MAPK10: variants seen among roughly 807,000 people sequenced by gnomAD.
The protein encoded by MAPK10 is JNK3 alpha protein kinase.
In MAPK10, 25 loss-of-function variants were observed where a neutral mutation model predicts 59.3. That is an observed-to-expected ratio of 0.42 (90% CI 0.31 to 0.59). The LOEUF (loss-of-function observed/expected upper bound fraction) is 0.59, where lower values mean the gene tolerates loss of function less well. Among genes scored for constraint, MAPK10 ranks in the 20% least tolerant of loss-of-function variants. The pLI is 0.15. For missense variants in MAPK10, 351 were observed against 568.9 expected, an observed-to-expected ratio of 0.62 and a Z score of 3.90; for synonymous variants, 190 against 200.5, an observed-to-expected ratio of 0.95 and a Z score of 0.44.
chr4:86,056,066 T>G (rs1168651553), intron 11 of MAPK10, among the ~76,000 whole-genome samples: 3 of 150,218 alleles, frequency 2.0e-5, no homozygotes, highest in African/African-American at 7.5e-5. Context: ...AACCTTTTGA[T>G]ATCACTCATC....
chr4:86,502,796 T>C (rs1199904090), intron 1 of MAPK10, among the ~76,000 whole-genome samples: 1 of 152,128 alleles, frequency 6.6e-6, no homozygotes, highest in East Asian at 1.9e-4. Flanking sequence ...TTATCTCTCT[T>C]CTTTATTCTG....
rs150596448 is a variant in MAPK10, at chr4:86,177,732, T to C, written c.66+16604A>G. On this transcript the variant is annotated intron_variant, in intron 3 of 13. Transcript: ENST00000641462. ...CAGGTTTAAAAAGGGCTCTTAAAGG[T>C]TACTGCACCCCATAAAACATTAGCA... Among the ~76,000 whole-genome samples, 3 of 152,150 alleles carry C rather than the reference T, an allele frequency of 2.0e-5. No homozygotes were observed. In the East Asian group the frequency reaches 5.8e-4, roughly 29 times the overall value.
chr4:86,258,633 C>T (rs2093856576), intron 2 of MAPK10, among the ~76,000 whole-genome samples: 1 of 152,138 alleles, frequency 6.6e-6, no homozygotes, highest in Admixed American at 6.5e-5. Context: ...CTCCAGCCAC[C>T]AAATCTTTGC....
At chr4:86,021,124 G>C (rs1746499478) in intron 13 of MAPK10, among the ~76,000 whole-genome samples, 1 of 152,232 alleles carries the variant, frequency 6.6e-6, no homozygotes, top group African/African-American at 2.4e-5. Context: ...CCCCACCAGA[G>C]CAGCTAGATA....
At chr4:86,563,779 A>C (rs1158836786) in intron 1 of MAPK10, among the ~76,000 whole-genome samples, 1 of 152,208 alleles carries the variant, frequency 6.6e-6, no homozygotes, top group Non-Finnish European at 1.5e-5. Flanking sequence ...GGCCAGATGG[A>C]GCTGGACAGC....
At chr4:86,021,796 G>C (rs1004712435) in intron 13 of MAPK10, among the ~76,000 whole-genome samples, 2 of 152,246 alleles carry the variant, frequency 1.3e-5, no homozygotes, top group Non-Finnish European at 1.5e-5. Flanking sequence ...GCACAGCGCC[G>C]GTGGGCCGGC....
At chr4:86,423,932 ATAGAG>A (rs991720202) in intron 1 of MAPK10, among the ~76,000 whole-genome samples, 8 of 152,002 alleles carry the variant, frequency 5.3e-5, no homozygotes, top group Admixed American at 3.3e-4. Flanking sequence ...ACTACAAGAT[ATAGAG>A]TAAAGGTAAA....
chr4:86,579,514 T>C (rs1366153123), intron 1 of MAPK10, among the ~76,000 whole-genome samples: 1 of 92,678 alleles, frequency 1.1e-5, no homozygotes, highest in Non-Finnish European at 2.3e-5. Flanking sequence ...TGGATATGTG[T>C]ATACACACAC....
At chr4:86,068,015 G>A (rs1561243053) in intron 9 of MAPK10, 60 bp from the exon 10 acceptor site, 2 of 1,132,190 alleles carry the variant, frequency 1.8e-6, no homozygotes, top group East Asian at 2.4e-5. Flanking sequence ...TCAACAATTG[G>A]GAGACTAACT....
chr4:86,189,114 G>T (rs925356106), intron 3 of MAPK10, among the ~76,000 whole-genome samples: 2 of 152,166 alleles, frequency 1.3e-5, no homozygotes, highest in Admixed American at 6.5e-5. Flanking sequence ...TATTTGTTTT[G>T]GTACCAGCAC....
chr4:86,177,611 C>T (rs761411829), intron 3 of MAPK10, among the ~76,000 whole-genome samples: 2 of 152,014 alleles, frequency 1.3e-5, no homozygotes, highest in African/African-American at 2.4e-5. Flanking sequence ...TTTAAATGCT[C>T]TAGATGCTAG....
chr4:86,033,027 G>A lies in MAPK10; in HGVS notation c.1111-1596C>T, dbSNP rs1009832620. On this transcript the variant is annotated intron_variant, in intron 11 of 13. Coordinates refer to ENST00000641462, the MANE Select transcript of MAPK10 (RefSeq NM_138982.4). ...ATAGTAAGAACACAACACATTGAAC[G>A]TATATAAGGTGACAGGACTGGGATA... Among the ~76,000 whole-genome samples, 48 of 151,434 alleles carry A rather than the reference G, an allele frequency of 3.2e-4. 1 individual carries two copies. The highest frequency in any genetic ancestry group is 8.8e-4 in the African/African-American group (36 of 40,840).
rs3775183 is a variant in MAPK10 at position 86,058,774 on chromosome 4, A to T, written c.1110+5492T>A. 1.3e-5 allele frequency among the ~76,000 whole-genome samples: 2 copies of T among 150,192 alleles called. 1 individual carries two copies. The highest frequency in any genetic ancestry group is 5.0e-5 in the African/African-American group (2 of 40,332). On this transcript the variant is annotated intron_variant, in intron 11 of 13. Transcript: ENST00000641462. ...CTTAGACCACATGTCTCTCCTGACT[A>T]CCCAGCTGGTCTTGACTGCTTGGCC... is the stretch of plus-strand genomic sequence containing the variant.
At chr4:86,286,702 T>C (rs2095025814) in intron 2 of MAPK10, among the ~76,000 whole-genome samples, 1 of 152,130 alleles carries the variant, frequency 6.6e-6, no homozygotes, top group African/African-American at 2.4e-5. Context: ...CACAAGACTG[T>C]GCAAAATGAG....
intron 2 of MAPK10, among the ~76,000 whole-genome samples, chr4:86,332,336 A>T (rs142713214): frequency 1.7e-3 from 256 of 152,264 alleles, no homozygotes; most frequent in African/African-American, 5.8e-3. Context: ...TTGGGAAGTT[A>T]TTTTTTTAAT....
intron 2 of MAPK10, among the ~76,000 whole-genome samples, chr4:86,320,828 T>G (rs2095874399): frequency 6.6e-6 from 1 of 152,198 alleles, no homozygotes; most frequent in African/African-American, 2.4e-5. Context: ...TGAATTAATT[T>G]TTGTATAAGC....
chr4:86,487,362 A>AGTGTGTGTGTGTGTGTGT (rs35053159), intron 1 of MAPK10, among the ~76,000 whole-genome samples: 8 of 148,832 alleles, frequency 5.4e-5, no homozygotes, highest in South Asian at 2.2e-4. Flanking sequence ...AGAGAGAGAG[A>AGTGTGTGTGTGTGTGTGT]GTGTGTGTGT....
chr4:86,343,927 C>T (rs932094827), intron 2 of MAPK10, among the ~76,000 whole-genome samples: 22 of 152,088 alleles, frequency 1.4e-4, no homozygotes, highest in Non-Finnish European at 2.1e-4. Context: ...GGTTTACAAT[C>T]ATTGATTTTT....
intron 1 of MAPK10, among the ~76,000 whole-genome samples, chr4:86,552,348 G>C (rs934465005): frequency 4.0e-5 from 6 of 151,572 alleles, no homozygotes; most frequent in Non-Finnish European, 5.9e-5. Flanking sequence ...TTGAGCCCAG[G>C]AGGTGCAGGC....
Sources: allele counts gnomAD v4.1 joint callset (sites outside exome capture counted in the v4.1 genomes callset), GRCh38; gene constraint gnomAD v4.1.1; transcripts MANE v1.5; gene names NCBI Gene and HGNC (gene_info 2026-07-23, HGNC 2026-07-21).